The following XIRP2 variants were observed in gnomAD, a reference collection of about 807,000 sequenced individuals.
The protein encoded by XIRP2 is xin actin binding repeat containing 2.
In XIRP2, 236 loss-of-function variants were observed where a neutral mutation model predicts 277.0. The ratio of observed to expected loss-of-function variants is 0.85; its 90% CI spans 0.77 to 0.95. The LOEUF is 0.95. Ranked by LOEUF, XIRP2 falls within the 40% of genes least tolerant of loss-of-function variation. XIRP2 has a pLI of 0.00. For synonymous variants in XIRP2, 1,490 were observed against 1,416.5 expected, an observed-to-expected ratio of 1.05 and a Z score of -1.17; for missense variants, 4,640 against 4,157.5, an observed-to-expected ratio of 1.12 and a Z score of -3.19.
chr2:166,980,019 AT>A (rs1025375699), intron 2 of XIRP2, among the ~76,000 whole-genome samples: 1 of 152,114 alleles, frequency 6.6e-6, no homozygotes, highest in African/African-American at 2.4e-5. Context: ...TACAAATTCA[AT>A]TTTTTAAATA....
At chr2:167,022,402 A>C (rs1191559951) in intron 2 of XIRP2, among the ~76,000 whole-genome samples, 1 of 152,090 alleles carries the variant, frequency 6.6e-6, no homozygotes, top group Non-Finnish European at 1.5e-5. Flanking sequence ...AACACATTTA[A>C]TTTTCTCAGA....
chr2:167,214,381 A>G (rs2105395303), intron 4 of XIRP2, among the ~76,000 whole-genome samples: 1 of 149,776 alleles, frequency 6.7e-6, no homozygotes, highest in South Asian at 2.2e-4. Flanking sequence ...GGAGGCTCAG[A>G]CGGGAGAATC....
rs866988665 is a variant in XIRP2, at chr2:167,246,419, G to A, written c.5027G>A (p.Gly1676Asp). ...TCTGAGGAAAGATCTGTAAAGAAAG[G>A]CATCTTAATTCAGGAAGATGAAAAA... ...LFSEERSVKK[G>D]ILIQEDEKGD... The change falls in exon 9 of 11, where the codon GGC becomes GAC. Residue 1676 changes from glycine to aspartate, a missense_variant. Coordinates refer to ENST00000409195, the MANE Select transcript of XIRP2 (RefSeq NM_152381.6). 15 of 1,613,494 alleles carry A rather than the reference G, an allele frequency of 9.3e-6. No individual in the cohort carries two copies. The East Asian group carries it at 1.1e-4, about 12-fold the overall frequency.
At chr2:167,132,548 A>T (rs1202742159) in intron 2 of XIRP2, among the ~76,000 whole-genome samples, 2 of 149,752 alleles carry the variant, frequency 1.3e-5, no homozygotes, top group African/African-American at 2.5e-5. Context: ...ACACACACAC[A>T]CTTAAAAACA....
At chr2:166,890,030 C>G (rs903818890) in intron 1 of XIRP2, 1 of 152,036 alleles carries the variant, frequency 6.6e-6, no homozygotes, top group Non-Finnish European at 1.5e-5. Flanking sequence ...GAGTCTTGCT[C>G]TGTCACCCAG....
chr2:167,082,153 A>T (rs979092819), intron 2 of XIRP2, among the ~76,000 whole-genome samples: 100 of 138,970 alleles, frequency 7.2e-4, no homozygotes, highest in African/African-American at 2.4e-3. Flanking sequence ...TGTCCATGTG[A>T]TCTCATTGTT....
chr2:167,008,346 T>C (rs565967944), intron 2 of XIRP2, among the ~76,000 whole-genome samples: 16 of 151,780 alleles, frequency 1.1e-4, no homozygotes, highest in African/African-American at 2.4e-4. Context: ...AGCTGGTCTC[T>C]CTTTTCTGAT....
rs145530332 is a variant in XIRP2, at chr2:166,952,555, A to G, written c.408+48665A>G. Reference sequence around the variant, plus strand: ...CTCTACTTCCAGAGAGTAGGTTTTTATCACCATGAATTCTAATTATCTGTG... The same window carrying G: ...CTCTACTTCCAGAGAGTAGGTTTTTGTCACCATGAATTCTAATTATCTGTG... On this transcript the variant is annotated intron_variant, in intron 2 of 10. Transcript: ENST00000409195. Among the ~76,000 whole-genome samples the G allele has an allele frequency of 3.3e-3, 501 of 152,126 alleles. 4 individuals carry two copies. The highest frequency in any genetic ancestry group is 0.011 in the African/African-American group (473 of 41,542).
Position 167,247,237 on chromosome 2 carries a change from G to A in XIRP2, c.5845G>A (p.Ala1949Thr), listed in dbSNP as rs776298215. Reference sequence around the variant, plus strand: ...TAAAGAAGGTGTAATAAAAAAAGATGCTAAAGCTGTGATGGCAGGATCCTC... The same window carrying A: ...TAAAGAAGGTGTAATAAAAAAAGATACTAAAGCTGTGATGGCAGGATCCTC... ...VHKEGVIKKD[A>T]KAVMAGSSGE... Residue 1949 changes from alanine (A) to threonine (T), a missense_variant, in exon 9 of 11, where the codon GCT (alanine) becomes ACT (threonine). Coordinates refer to ENST00000409195, the MANE Select transcript of XIRP2 (RefSeq NM_152381.6). 4.3e-6 allele frequency: 7 copies of A among 1,613,674 alleles called. No homozygotes were observed. In the South Asian group the frequency reaches 6.6e-5, roughly 15 times the overall value.
chr2:166,983,014 A>G (rs1250734382), intron 2 of XIRP2, among the ~76,000 whole-genome samples: 1 of 152,140 alleles, frequency 6.6e-6, no homozygotes, highest in Non-Finnish European at 1.5e-5. Flanking sequence ...GGCTATTTTG[A>G]TCCACTTTCT....
intron 2 of XIRP2, among the ~76,000 whole-genome samples, chr2:167,122,578 C>T (rs529085661): frequency 1.2e-4 from 18 of 152,284 alleles, no homozygotes; most frequent in Non-Finnish European, 8.8e-5. Context: ...TGACAGGATA[C>T]TGTCTCTAGA....
chr2:167,163,543 C>T (rs1418915607), intron 3 of XIRP2, among the ~76,000 whole-genome samples: 3 of 151,550 alleles, frequency 2.0e-5, no homozygotes, highest in Non-Finnish European at 3.0e-5. Flanking sequence ...GTGTTCTTTA[C>T]ATATCAAAGG....
At position 166,939,083 on chromosome 2, in the gene XIRP2, C is replaced by T. The variant is rs573733796; in HGVS notation, c.408+35193C>T. Among the ~76,000 whole-genome samples the T allele has an allele frequency of 5.8e-4, 88 of 152,192 alleles. No homozygotes were observed. The Middle Eastern group carries it at 0.01, about 18-fold the overall frequency. On this transcript the variant is annotated intron_variant, in intron 2 of 10. Coordinates refer to ENST00000409195, the MANE Select transcript of XIRP2 (RefSeq NM_152381.6). ...ATGTCTTTCAATTGGAGCATTTAGC[C>T]CATTTCAATTTAAGGTTAATATAGT...
chr2:167,168,407 T>G lies in XIRP2; in HGVS notation c.562+32345T>G, dbSNP rs142564981. 9.7e-4 allele frequency among the ~76,000 whole-genome samples: 148 copies of G among 152,252 alleles called. 2 individuals carry two copies. The East Asian group carries it at 0.026, about 27-fold the overall frequency. ...TAAGTTGTCTCATGGTTCTGGGATATTCTGTCCTGGTTTTTTGTTTGATTT... is the reference window on the plus strand; with the variant it reads ...TAAGTTGTCTCATGGTTCTGGGATAGTCTGTCCTGGTTTTTTGTTTGATTT... On this transcript the variant is annotated intron_variant, in intron 3 of 10. Coordinates refer to ENST00000409195, the MANE Select transcript of XIRP2 (RefSeq NM_152381.6).
In XIRP2 at chr2:167,244,195, G is replaced by A; in HGVS notation, c.2803G>A (p.Val935Met). The A allele has an allele frequency of 6.2e-7, 1 of 1,613,520 alleles. No individual in the cohort carries two copies. Among genetic ancestry groups the A allele is most frequent in the Non-Finnish European group, 8.5e-7 (1 of 1,179,798 alleles). ...AGATAAAAAGGAGTACACACGAACA[G>A]TGAAACTTGAAGAAGTTGACAGAGG... is the stretch of plus-strand genomic sequence containing the variant. ...RKDKKEYTRT[V>M]KLEEVDRGDV... Residue 935 changes from valine to methionine, a missense_variant, in exon 9 of 11, where the codon GTG becomes ATG. By Grantham distance (21) the Val-to-Met change is conservative. Coordinates refer to ENST00000409195, the MANE Select transcript of XIRP2 (RefSeq NM_152381.6).
chr2:167,180,719 T>C (rs1692986302), intron 3 of XIRP2, among the ~76,000 whole-genome samples: 1 of 152,186 alleles, frequency 6.6e-6, no homozygotes, highest in Admixed American at 6.5e-5. Flanking sequence ...ATTCAGTCAC[T>C]GTCCCTTACC....
chr2:166,909,313 C>T (rs143733745), intron 2 of XIRP2, among the ~76,000 whole-genome samples: 2 of 152,128 alleles, frequency 1.3e-5, no homozygotes, highest in African/African-American at 4.8e-5. Flanking sequence ...TTGTAGTTCT[C>T]CTTGAAGAGG....
intron 2 of XIRP2, among the ~76,000 whole-genome samples, chr2:167,009,324 T>C (rs1010449852): frequency 2.6e-5 from 4 of 151,180 alleles, no homozygotes; most frequent in Non-Finnish European, 5.9e-5. Flanking sequence ...TTTGGTTTTT[T>C]GTTCTTGGCG....
intron 2 of XIRP2, among the ~76,000 whole-genome samples, chr2:167,130,902 T>G (rs1190260362): frequency 1.3e-5 from 2 of 152,116 alleles, no homozygotes; most frequent in Non-Finnish European, 2.9e-5. Context: ...AGTAACTATG[T>G]AACTTAACAG....
Sources: gnomAD v4.1 joint callset for allele counts (sites outside exome capture counted in the v4.1 genomes callset) on GRCh38, gnomAD v4.1.1 for gene constraint, MANE v1.5 for transcripts, NCBI Gene and HGNC (gene_info 2026-07-23, HGNC 2026-07-21) for gene names.